The following LRMDA variants were observed in gnomAD, a reference collection of about 807,000 sequenced individuals.
LRMDA encodes the protein leucine rich melanocyte differentiation associated, also known as leucine-rich melanocyte differentiation-associated protein.
LRMDA carries 18 observed loss-of-function variants against 29.8 expected under a neutral mutation model. That is an observed-to-expected ratio of 0.60 (90% CI 0.42 to 0.90). The LOEUF is 0.90. Ranked by LOEUF, LRMDA falls within the 40% of genes least tolerant of loss-of-function variation. The pLI is 0.00. For synonymous variants in LRMDA, 125 were observed against 109.4 expected, an observed-to-expected ratio of 1.14 and a Z score of -0.89; for missense variants, 273 against 273.9, an observed-to-expected ratio of 1.00 and a Z score of 0.02.
chr10:75,636,625 G>A (rs940762413), intron 2 of LRMDA, among the ~76,000 whole-genome samples: 4 of 152,004 alleles, frequency 2.6e-5, no homozygotes, highest in Admixed American at 1.3e-4. Context: ...ATTATACATA[G>A]AATTTTCTAA....
At chr10:76,490,704 GATT>G (rs776320053) in intron 6 of LRMDA, among the ~76,000 whole-genome samples, 1 of 151,812 alleles carries the variant, frequency 6.6e-6, no homozygotes, top group Non-Finnish European at 1.5e-5. Context: ...ATAGACAACA[GATT>G]ATTATTATTT....
intron 2 of LRMDA, among the ~76,000 whole-genome samples, chr10:75,592,386 A>T (rs1460724148): frequency 2.0e-5 from 3 of 152,178 alleles, no homozygotes; most frequent in African/African-American, 7.2e-5. Flanking sequence ...GTCAAACCTC[A>T]TCTGCTGCCC....
At chr10:76,382,194 C>A (rs1406295491) in intron 6 of LRMDA, among the ~76,000 whole-genome samples, 1 of 152,208 alleles carries the variant, frequency 6.6e-6, no homozygotes, top group Non-Finnish European at 1.5e-5. Flanking sequence ...TGCACACATT[C>A]TTACGCACAT....
intron 5 of LRMDA, among the ~76,000 whole-genome samples, chr10:76,097,335 G>C (rs1849328663): frequency 6.6e-6 from 1 of 152,106 alleles, no homozygotes; most frequent in South Asian, 2.1e-4. Context: ...AATAGAGACA[G>C]TTTTATTTCC....
intron 5 of LRMDA, among the ~76,000 whole-genome samples, chr10:76,063,964 G>T (rs563216095): frequency 6.6e-6 from 1 of 152,256 alleles, no homozygotes; most frequent in South Asian, 2.1e-4. Context: ...CTTGTGTTTT[G>T]TTCGTTTCTG....
intron 2 of LRMDA, among the ~76,000 whole-genome samples, chr10:75,488,880 T>G (rs988284716): frequency 6.6e-6 from 1 of 152,190 alleles, no homozygotes; most frequent in Non-Finnish European, 1.5e-5. Context: ...TTCCCCTTTA[T>G]GGCCAAGAGC....
At chr10:75,628,559 A>T (rs77558972) in intron 2 of LRMDA, among the ~76,000 whole-genome samples, 2,590 of 152,316 alleles carry the variant, frequency 0.017, 82 homozygotes, top group African/African-American at 0.06. Context: ...GAAGAAAGAG[A>T]TGTGAGGTAT....
intron 2 of LRMDA, among the ~76,000 whole-genome samples, chr10:75,569,833 T>C (rs1840416556): frequency 6.6e-6 from 1 of 152,238 alleles, no homozygotes. Flanking sequence ...TGAGCTGTGC[T>C]CAGCTTGCCA....
At chr10:76,482,750 T>G (rs940455787) in intron 6 of LRMDA, among the ~76,000 whole-genome samples, 1 of 152,014 alleles carries the variant, frequency 6.6e-6, no homozygotes, top group African/African-American at 2.4e-5. Context: ...CATTAGCAGA[T>G]GTTGCCAGAT....
chr10:75,766,808 G>C (rs563849954), intron 2 of LRMDA, among the ~76,000 whole-genome samples: 1 of 151,852 alleles, frequency 6.6e-6, no homozygotes, highest in South Asian at 2.1e-4. Context: ...CCCATTCCAA[G>C]ACGGGCCCCG....
rs543810473 is a variant in LRMDA at position 76,092,703 on chromosome 10, CG to C, written c.516+33922del. On this transcript the variant is annotated intron_variant, in intron 5 of 6. Transcript: ENST00000611255. ...CTTTGCAAAGTTGCATAATTTTTTT[CG>C]GTAGTTGCTGTGATTAAAAGCAAGT... Among the ~76,000 whole-genome samples, 296 of 152,166 alleles carry C rather than the reference CG, an allele frequency of 1.9e-3. 4 individuals carry two copies. The highest frequency in any genetic ancestry group is 7.0e-3 in the African/African-American group (289 of 41,506).
chr10:75,820,029 C>T (rs901383003), intron 2 of LRMDA, among the ~76,000 whole-genome samples: 2 of 152,056 alleles, frequency 1.3e-5, no homozygotes, highest in South Asian at 2.1e-4. Context: ...AATATTAGAC[C>T]TACAAAAAGA....
chr10:76,213,089 T>A (rs1391866332), intron 5 of LRMDA, among the ~76,000 whole-genome samples: 1 of 152,242 alleles, frequency 6.6e-6, no homozygotes, highest in Non-Finnish European at 1.5e-5. Context: ...ATATGTGATC[T>A]TCAGTAACAT....
At chr10:75,804,906 A>G (rs1843823641) in intron 2 of LRMDA, among the ~76,000 whole-genome samples, 1 of 151,976 alleles carries the variant, frequency 6.6e-6, no homozygotes. Flanking sequence ...AGAGGAGTTG[A>G]TGGTGGTGAT....
chr10:76,200,267 A>C (rs1851402866), intron 5 of LRMDA, among the ~76,000 whole-genome samples: 1 of 152,076 alleles, frequency 6.6e-6, no homozygotes. Flanking sequence ...TCCAGCTTAG[A>C]CCTCATTTTT....
chr10:75,724,194 G>A (rs1171019460), intron 2 of LRMDA, among the ~76,000 whole-genome samples: 1 of 152,204 alleles, frequency 6.6e-6, no homozygotes, highest in Non-Finnish European at 1.5e-5. Context: ...CTACTTGGTT[G>A]TGGAGTATAA....
chr10:75,600,512 G>C (rs541371449), intron 2 of LRMDA, among the ~76,000 whole-genome samples: 3 of 152,316 alleles, frequency 2.0e-5, no homozygotes, highest in South Asian at 2.1e-4. Flanking sequence ...ATTCCTGACT[G>C]TGAGAGATGT....
At chr10:75,771,135 T>G (rs1323020976) in intron 2 of LRMDA, among the ~76,000 whole-genome samples, 3 of 152,116 alleles carry the variant, frequency 2.0e-5, no homozygotes, top group Non-Finnish European at 4.4e-5. Context: ...AGCTCTGGAT[T>G]CACTGATTCA....
At chr10:76,423,970 T>C (rs1304176578) in intron 6 of LRMDA, among the ~76,000 whole-genome samples, 1 of 152,184 alleles carries the variant, frequency 6.6e-6, no homozygotes, top group Admixed American at 6.5e-5. Context: ...CTCTGATTCC[T>C]AGAGGGCCAG....
Sources: allele counts gnomAD v4.1 joint callset (sites outside exome capture counted in the v4.1 genomes callset), GRCh38; gene constraint gnomAD v4.1.1; transcripts MANE v1.5; gene names NCBI Gene and HGNC (gene_info 2026-07-23, HGNC 2026-07-21).